SH3PXD2A: variants seen among roughly 807,000 people sequenced by gnomAD.
The protein encoded by SH3PXD2A is SH3 and PX domain-containing protein 2A.
In SH3PXD2A, 32 loss-of-function variants were observed where a neutral mutation model predicts 115.2. The observed-to-expected ratio is 0.28, with a 90% CI of 0.21 to 0.37. SH3PXD2A has a LOEUF of 0.37. Among genes scored for constraint, SH3PXD2A ranks in the 10% least tolerant of loss-of-function variants. The probability of loss-of-function intolerance (pLI) is 1.00; values close to 1 mark genes in which losing one functional copy is unlikely to be tolerated. For missense variants in SH3PXD2A, 1,328 were observed against 1,498.7 expected (o/e 0.89, Z 1.88); for synonymous variants, 610 against 629.1 (o/e 0.97, Z 0.45).
At chr10:103,852,649 T>C (rs1451168048) in intron 1 of SH3PXD2A, among the ~76,000 whole-genome samples, 2 of 152,096 alleles carry the variant, frequency 1.3e-5, no homozygotes, top group Non-Finnish European at 2.9e-5. Context: ...TTTTGGTGTG[T>C]GGTATTCACC....
Position 103,603,610 on chromosome 10 carries a change from C to A in SH3PXD2A, c.1608G>T (p.Glu536Asp). ...APPSKPKEAE[E>D]GPTGASESQD... is the part of the protein sequence containing the mutation. Reference sequence around the variant, plus strand: ...GGCTCTCACTGGCCCCCGTAGGGCCCTCCTCGGCCTCCTTGGGCTTGCTGG... The same window carrying A: ...GGCTCTCACTGGCCCCCGTAGGGCCATCCTCGGCCTCCTTGGGCTTGCTGG... Residue 536 changes from glutamate to aspartate, a missense_variant, in exon 15 of 15, where the codon GAG becomes GAT. Physicochemically the swap from Glu to Asp is conservative, Grantham distance 45. Around this residue, in one of 5 missense-constraint regions of SH3PXD2A, gnomAD observed 509 missense variants for 628.3 expected, o/e 0.81. Transcript: ENST00000369774. 6.2e-7 allele frequency: 1 copy of A among 1,604,050 alleles called. No homozygotes were observed. Among genetic ancestry groups the A allele is most frequent in the Middle Eastern group, 1.7e-4 (1 of 6,002 alleles).
chr10:103,638,018 G>T (rs1030520555), intron 8 of SH3PXD2A, among the ~76,000 whole-genome samples: 1 of 152,200 alleles, frequency 6.6e-6, no homozygotes, highest in Non-Finnish European at 1.5e-5. Flanking sequence ...TGGTCAGAAA[G>T]CCCTGTCACT....
chr10:103,715,867 C>T (rs1252688057), intron 5 of SH3PXD2A, among the ~76,000 whole-genome samples: 1 of 152,214 alleles, frequency 6.6e-6, no homozygotes, highest in African/African-American at 2.4e-5. Flanking sequence ...CCCTCGTCTT[C>T]CTACGGGAAC....
intron 5 of SH3PXD2A, among the ~76,000 whole-genome samples, chr10:103,703,522 A>G (rs998177967): frequency 1.3e-5 from 2 of 152,194 alleles, no homozygotes; most frequent in African/African-American, 4.8e-5. Flanking sequence ...CACCTCCTCC[A>G]GAAAGCCCAC....
At chr10:103,814,949 G>T (rs2134282010) in intron 1 of SH3PXD2A, among the ~76,000 whole-genome samples, 1 of 151,648 alleles carries the variant, frequency 6.6e-6, no homozygotes, top group East Asian at 2.0e-4. Context: ...TTTGAGCTGA[G>T]ACCCAAATGC....
At chr10:103,835,097 A>G (rs11191820) in intron 1 of SH3PXD2A, among the ~76,000 whole-genome samples, 42,603 of 152,098 alleles carry the variant, frequency 0.28, 6,459 homozygotes, top group East Asian at 0.62. Flanking sequence ...TCTTGGGGAC[A>G]CTGGCAGAAG....
rs531099330 is a variant in SH3PXD2A at position 103,643,597 on chromosome 10, A to G, written c.605-16395T>C. 3.9e-5 allele frequency among the ~76,000 whole-genome samples: 6 copies of G among 152,298 alleles called. No homozygotes were observed. The South Asian group carries it at 1.2e-3, about 32-fold the overall frequency. On this transcript the variant is annotated intron_variant, in intron 8 of 14. Transcript: ENST00000369774. ...GGTCAGATTTGCTCTTGGTCAAACA[A>G]ACAAATGACATCAGCCAGCGTCTGA...
Position 103,801,373 on chromosome 10 carries a change from A to T in SH3PXD2A, c.73-11T>A. 5 of 1,571,288 alleles carry T rather than the reference A, an allele frequency of 3.2e-6. No individual in the cohort carries two copies. The highest frequency in any genetic ancestry group is 4.4e-6 in the Non-Finnish European group (5 of 1,141,166). On this transcript the variant is annotated splice_polypyrimidine_tract_variant and intron_variant, in intron 1 of 14. Coordinates refer to ENST00000369774, the MANE Select transcript of SH3PXD2A (RefSeq NM_001394015.1). ...ATTGATTATGTATACCTGTGGGAAA[A>T]AGGTAAGAGCAGGTGAGCAAGGCTG...
intron 8 of SH3PXD2A, among the ~76,000 whole-genome samples, chr10:103,657,774 C>T (rs571563057): frequency 6.6e-6 from 1 of 152,326 alleles, no homozygotes; most frequent in South Asian, 2.1e-4. Context: ...GATCAATGAA[C>T]AACATGAATT....
rs201431164 is a variant in SH3PXD2A at position 103,613,237 on chromosome 10, A to C, written c.921-47T>G. On this transcript the variant is annotated intron_variant, in intron 11 of 14. Transcript: ENST00000369774. The stretch of plus-strand genomic sequence containing the variant: ...GCTATCATTAGAGCACTCTGACCTC[A>C]CAGCCCACTCCCAGGCCCTAGGATC... 1.8e-5 allele frequency: 26 copies of C among 1,420,130 alleles called. No individual in the cohort carries two copies. The African/African-American group carries it at 3.6e-4, about 20-fold the overall frequency. 88.0% of individuals were successfully genotyped at this position (1,420,130 alleles called of 1,614,324 possible).
chr10:103,679,191 G>A (rs2037579048), intron 6 of SH3PXD2A, among the ~76,000 whole-genome samples: 2 of 152,342 alleles, frequency 1.3e-5, no homozygotes, highest in Middle Eastern at 3.4e-3. Context: ...TTGTGACACT[G>A]TTTTAAAACT....
chr10:103,795,932 CAGGAAGGAA>C (rs2039083062), intron 2 of SH3PXD2A, among the ~76,000 whole-genome samples: 1 of 98,262 alleles, frequency 1.0e-5, no homozygotes, highest in South Asian at 3.2e-4. Context: ...GGAAGGAAGG[CAGGAAGGAA>C]GGAAGGAAGG....
chr10:103,692,475 C>G (rs1420742569), intron 6 of SH3PXD2A, among the ~76,000 whole-genome samples: 1 of 152,234 alleles, frequency 6.6e-6, no homozygotes, highest in African/African-American at 2.4e-5. Context: ...GCAGCAAGGA[C>G]ACGCTCAGAG....
intron 6 of SH3PXD2A, among the ~76,000 whole-genome samples, chr10:103,685,244 C>G (rs191636881): frequency 1.4e-5 from 2 of 141,658 alleles, no homozygotes; most frequent in African/African-American, 2.6e-5. Context: ...GAGGCTGAGG[C>G]AGGAGAATCA....
intron 5 of SH3PXD2A, among the ~76,000 whole-genome samples, chr10:103,712,447 T>A (rs1187287429): frequency 2.6e-5 from 4 of 152,148 alleles, no homozygotes; most frequent in African/African-American, 9.7e-5. Flanking sequence ...TAGAACCGGT[T>A]TCCCTGTGTC....
intron 3 of SH3PXD2A, among the ~76,000 whole-genome samples, chr10:103,757,261 T>C (rs2038652965): frequency 6.6e-6 from 1 of 152,050 alleles, no homozygotes; most frequent in African/African-American, 2.4e-5. Flanking sequence ...ACAAGCAAGG[T>C]GATCCCTGAT....
chr10:103,732,652 T>C (rs1459552263), intron 4 of SH3PXD2A, among the ~76,000 whole-genome samples: 1 of 152,250 alleles, frequency 6.6e-6, no homozygotes, highest in East Asian at 1.9e-4. Flanking sequence ...CTGCTCTGTG[T>C]GCAGAGCCAG....
intron 6 of SH3PXD2A, among the ~76,000 whole-genome samples, chr10:103,691,293 T>C (rs1321105384): frequency 1.3e-5 from 2 of 152,210 alleles, no homozygotes; most frequent in Non-Finnish European, 2.9e-5. Flanking sequence ...CACATTAACA[T>C]ACTTAATCCT....
intron 6 of SH3PXD2A, among the ~76,000 whole-genome samples, chr10:103,686,133 C>G (rs945337867): frequency 6.6e-6 from 1 of 152,166 alleles, no homozygotes; most frequent in African/African-American, 2.4e-5. Context: ...GCTGAGCTCA[C>G]CACTTTTCCA....
Sources: allele counts gnomAD v4.1 joint callset (sites outside exome capture counted in the v4.1 genomes callset), GRCh38; gene constraint gnomAD v4.1.1; regional missense constraint gnomAD v4.1.1; transcripts MANE v1.5; gene names NCBI Gene and HGNC (gene_info 2026-07-23, HGNC 2026-07-21).